Variants in CDKL5 observed in about 807,000 individuals in gnomAD.
CDKL5 encodes the protein cyclin dependent kinase like 5, also known as cyclin-dependent kinase-like 5.
Under a neutral mutation model 61.7 loss-of-function variants are expected in CDKL5, and 8 were observed. The observed-to-expected ratio is 0.13, with a 90% confidence interval of 0.08 to 0.23. CDKL5 has a LOEUF of 0.23. CDKL5 is among the 10% of genes least tolerant of loss of function. CDKL5 has a pLI of 1.00. For missense variants in CDKL5, 440 were observed against 734.5 expected, an observed-to-expected ratio of 0.60 and a Z score of 4.63; for synonymous variants, 275 against 272.3, an observed-to-expected ratio of 1.01 and a Z score of -0.10.
In CDKL5 at chrX:18,628,721, G is replaced by A. The variant is rs1927149441; in HGVS notation, c.2847G>A (p.Met949Ile). The A allele has an allele frequency of 2.0e-6, 2 of 997,574 alleles. No individual in the cohort carries two copies. The allele number at this position is 997,574 out of a possible 1,213,427, so 82.2% of individuals were successfully genotyped here. A position where few individuals can be genotyped will look rare whatever the true frequency, so the allele number is the denominator to read the frequency against. Reference sequence around the variant, plus strand: ...ATAACAGAACAAATCGCTCACGAATGCCAAATCTGAATGATTTAAAAGAGA... The same window carrying A: ...ATAACAGAACAAATCGCTCACGAATACCAAATCTGAATGATTTAAAAGAGA... ...HPYNRTNRSR[M>I]PNLNDLKETA... The change falls in exon 18 of 18, where the codon ATG becomes ATA. Residue 949 changes from methionine to isoleucine, a missense_variant. Coordinates refer to ENST00000623535, the MANE Select transcript of CDKL5 (RefSeq NM_001323289.2).
intron 4 of CDKL5, among the ~76,000 whole-genome samples, chrX:18,574,311 A>T (rs1471603243): frequency 9.0e-6 from 1 of 111,684 alleles, no homozygotes; most frequent in Non-Finnish European, 1.9e-5. Flanking sequence ...ATAAACAAAG[A>T]CTTTATGTAG....
intron 1 of CDKL5, among the ~76,000 whole-genome samples, chrX:18,433,137 A>T: frequency 1.8e-5 from 2 of 110,108 alleles, no homozygotes; most frequent in Middle Eastern, 9.4e-3. Flanking sequence ...CTGAGGTGGG[A>T]AGATGGCTTG....
In CDKL5 at chrX:18,631,649, T is replaced by C; in HGVS notation, c.*2892T>C. 4 of 753,721 alleles carry C rather than the reference T, an allele frequency of 5.3e-6. No individual in the cohort carries two copies. The highest frequency in any genetic ancestry group is 6.3e-6 in the Non-Finnish European group (4 of 638,574). 62.1% of individuals were successfully genotyped at this position (753,721 alleles called of 1,213,427 possible). A position where few individuals can be genotyped will look rare whatever the true frequency, so the allele number is the denominator to read the frequency against. ...CTTCCTAAAGAAGAAAAAGGGTGAATGAAAGCTTATGTTACTTTTATGAAA... is the reference window on the plus strand; with the variant it reads ...CTTCCTAAAGAAGAAAAAGGGTGAACGAAAGCTTATGTTACTTTTATGAAA... On this transcript the variant is annotated 3_prime_UTR_variant, in exon 18 of 18. Transcript: ENST00000623535.
chrX:18,545,346 T>C (rs189555751), intron 3 of CDKL5, among the ~76,000 whole-genome samples: 14 of 112,496 alleles, frequency 1.2e-4, no homozygotes, highest in African/African-American at 3.2e-4. Flanking sequence ...GTATATCTAT[T>C]ATATATCACA....
In CDKL5 at chrX:18,638,568, A is replaced by T. The variant is rs973623586; in HGVS notation, c.*9811A>T. 2.7e-4 allele frequency among the ~76,000 whole-genome samples: 30 copies of T among 112,618 alleles called. No homozygotes were observed. Among genetic ancestry groups the T allele is most frequent in the Non-Finnish European group, 5.4e-4 (29 of 53,362 alleles). ...AGTTTTAGTTTTTATACATTCTGTC[A>T]TGAATTGAATGAAGTAAATAATATG... On this transcript the variant is annotated 3_prime_UTR_variant, in exon 18 of 18. Coordinates refer to ENST00000623535, the MANE Select transcript of CDKL5 (RefSeq NM_001323289.2).
chrX:18,482,815 C>T (rs963430354), intron 1 of CDKL5, among the ~76,000 whole-genome samples: 7 of 111,112 alleles, frequency 6.3e-5, no homozygotes, highest in African/African-American at 2.0e-4. Flanking sequence ...CTAGATTTAG[C>T]ATAGTTCTAA....
At chrX:18,518,952 A>T (rs1319811807) in intron 3 of CDKL5, among the ~76,000 whole-genome samples, 1 of 111,383 alleles carries the variant, frequency 9.0e-6, no homozygotes, top group Non-Finnish European at 1.9e-5. Context: ...TTATTAGCTG[A>T]TAATGGACTG....
At chrX:18,532,556 T>C (rs1235558102) in intron 3 of CDKL5, among the ~76,000 whole-genome samples, 1 of 111,976 alleles carries the variant, frequency 8.9e-6, no homozygotes, top group Non-Finnish European at 1.9e-5. Context: ...GGAACTCTTA[T>C]GCTGCCAATG....
intron 3 of CDKL5, among the ~76,000 whole-genome samples, chrX:18,515,825 G>T (rs1300362901): frequency 9.0e-6 from 1 of 111,399 alleles, no homozygotes; most frequent in African/African-American, 3.3e-5. Flanking sequence ...CACATGAGGA[G>T]ACTGAGTCTT....
At chrX:18,472,881 C>T (rs1181250113) in intron 1 of CDKL5, among the ~76,000 whole-genome samples, 1 of 109,531 alleles carries the variant, frequency 9.1e-6, no homozygotes, top group Non-Finnish European at 1.9e-5. Flanking sequence ...TTCCTTCCTG[C>T]AGTCCATAAT....
chrX:18,628,406 T>C lies in CDKL5; in HGVS notation c.2532T>C (p.His844=), dbSNP rs1927135956. 1 of 1,209,920 alleles carries C rather than the reference T, an allele frequency of 8.3e-7. No individual in the cohort carries two copies. The highest frequency in any genetic ancestry group is 1.7e-5 in the African/African-American group (1 of 57,227). The change falls in exon 18 of 18, where the codon CAT becomes CAC. Residue 844 remains histidine (H), a synonymous_variant. Transcript: ENST00000623535. The part of the protein sequence containing the change: ...QPLKSLRKLL[H]LSSASNHPAS... ...TAAAATCACTGCGCAAGTTGTTACA[T>C]CTCTCTTCGGCCTCAAATCACCCGG...
At chrX:18,479,476 T>C (rs778165181) in intron 1 of CDKL5, among the ~76,000 whole-genome samples, 3 of 108,816 alleles carry the variant, frequency 2.8e-5, no homozygotes, top group African/African-American at 6.7e-5. Context: ...CCCGCCACCA[T>C]GCCTGGCTAA....
At position 18,573,879 on chromosome X, in the gene CDKL5, T is replaced by C. The variant is rs182734198; in HGVS notation, c.146-1475T>C. ...CTTGCTTTTATGTCATTCCCTTTTC[T>C]TTAAACTCAGTTTGAGTTGGGGGTT... On this transcript the variant is annotated intron_variant, in intron 4 of 17. Transcript: ENST00000623535. Among the ~76,000 whole-genome samples the C allele has an allele frequency of 8.2e-3, 920 of 111,875 alleles. 4 individuals are homozygous for C. The highest frequency in any genetic ancestry group is 0.069 in the Middle Eastern group (15 of 218).
At chrX:18,653,143 A>G (rs557370451) in intron 21 of CDKL5, among the ~76,000 whole-genome samples, 10 of 112,660 alleles carry the variant, frequency 8.9e-5, no homozygotes, top group South Asian at 3.7e-4. Context: ...CAAGCATCAT[A>G]TAGAATAGAA....
intron 14 of CDKL5, among the ~76,000 whole-genome samples, chrX:18,610,954 A>G (rs1926530879): frequency 8.9e-6 from 1 of 112,018 alleles, no homozygotes; most frequent in African/African-American, 3.2e-5. Context: ...GGGCATGGAG[A>G]ACTGCTTAGT....
intron 20 of CDKL5, chrX:18,647,759 CTTG>C (rs1196991422): frequency 1.1e-4 from 17 of 158,316 alleles, no homozygotes; most frequent in Admixed American, 3.0e-4. Context: ...CGTCAGGTCT[CTTG>C]TTGTCCTTGG....
chrX:18,487,365 A>G (rs776481408), intron 1 of CDKL5, among the ~76,000 whole-genome samples: 1 of 112,671 alleles, frequency 8.9e-6, no homozygotes, highest in East Asian at 2.8e-4. Context: ...ACTAGTGATC[A>G]TAGCTTACTG....
intron 1 of CDKL5, among the ~76,000 whole-genome samples, chrX:18,489,025 C>A (rs1036481126): frequency 9.0e-6 from 1 of 111,728 alleles, no homozygotes; most frequent in Admixed American, 9.5e-5. Flanking sequence ...AAAGCTGTCT[C>A]TCATGGGGAA....
intron 1 of CDKL5, among the ~76,000 whole-genome samples, chrX:18,479,142 C>T (rs889504888): frequency 1.4e-4 from 16 of 111,370 alleles, no homozygotes; most frequent in Admixed American, 1.1e-3. Context: ...TGTAAGACAC[C>T]GTGCCTGGCC....
Sources: allele counts gnomAD v4.1 joint callset (sites outside exome capture counted in the v4.1 genomes callset), GRCh38; gene constraint gnomAD v4.1.1; transcripts MANE v1.5; gene names NCBI Gene and HGNC (gene_info 2026-07-23, HGNC 2026-07-21).